USP30: variants seen among roughly 807,000 people sequenced by gnomAD.
The protein encoded by USP30 is ubiquitin carboxyl-terminal hydrolase 30.
A neutral mutation model predicts 68.2 loss-of-function variants in USP30; 41 were observed. The ratio of observed to expected loss-of-function variants is 0.60; its 90% CI spans 0.47 to 0.78. The LOEUF is 0.78. Among genes scored for constraint, USP30 ranks in the 30% least tolerant of loss-of-function variants. The probability of loss-of-function intolerance (pLI) is 0.00; values close to 1 mark genes in which losing one functional copy is unlikely to be tolerated. For synonymous variants in USP30, 229 were observed against 253.7 expected, an observed-to-expected ratio of 0.90 and a Z score of 0.93; for missense variants, 522 against 649.4, an observed-to-expected ratio of 0.80 and a Z score of 2.13.
chr12:109,050,546 A>G (rs990123579), upstream of USP30, among the ~76,000 whole-genome samples: 3 of 152,180 alleles, frequency 2.0e-5, no homozygotes, highest in African/African-American at 7.2e-5. Flanking sequence ...CATGAATGCA[A>G]TTACTCAGTC....
intron 3 of USP30, among the ~76,000 whole-genome samples, chr12:109,040,077 T>C (rs1413848309): frequency 6.6e-6 from 1 of 152,196 alleles, no homozygotes; most frequent in Non-Finnish European, 1.5e-5. Context: ...TTGTTTTTTT[T>C]CTACATGTGA....
chr12:109,028,459 T>C (rs2135652277), intron 3 of USP30, among the ~76,000 whole-genome samples: 2 of 151,768 alleles, frequency 1.3e-5, no homozygotes, highest in Middle Eastern at 6.8e-3. Context: ...CCCTTTTTTT[T>C]TTCTGTTTTT....
chr12:109,084,308 G>A (rs1391662964), intron 11 of USP30, among the ~76,000 whole-genome samples: 3 of 152,194 alleles, frequency 2.0e-5, no homozygotes, highest in African/African-American at 7.2e-5. Flanking sequence ...GAAAAGACAT[G>A]TAAATATGGC....
At chr12:109,065,091 C>T in intron 3 of USP30, among the ~76,000 whole-genome samples, 1 of 152,162 alleles carries the variant, frequency 6.6e-6, no homozygotes, top group East Asian at 1.9e-4. Context: ...GGCAGAGCAG[C>T]CCAGAAGTCT....
intron 7 of USP30, among the ~76,000 whole-genome samples, chr12:109,079,339 C>CTTTTTTTTTTTTTTTTTTTTTTTTT (rs750712233): frequency 8.0e-5 from 5 of 62,248 alleles, no homozygotes; most frequent in African/African-American, 2.8e-4. Context: ...TTTTCTTTTT[C>CTTTTTTTTTTTTTTTTTTTTTTTTT]TTTTTTTTTT....
In USP30 at chr12:109,067,547, G is replaced by C; in HGVS notation, c.400G>C (p.Asp134His). ...LKALSCQEVT[D>H]DEVLDASCLL... ...AGCCTTGTCCTGCCAAGAAGTTACT[G>C]ATGATGAGGTCTTAGATGCAAGCTG... Residue 134 changes from aspartate to histidine, a missense_variant, in exon 4 of 13, where the codon GAT becomes CAT. Physicochemically the swap from Asp to His is moderately conservative, Grantham distance 81. Transcript: ENST00000257548. The C allele has an allele frequency of 6.2e-7, 1 of 1,614,112 alleles. No homozygotes were observed. The highest frequency in any genetic ancestry group is 1.3e-5 in the African/African-American group (1 of 75,034).
chr12:109,049,240 C>G (rs1411519552), upstream of USP30, among the ~76,000 whole-genome samples: 1 of 152,200 alleles, frequency 6.6e-6, no homozygotes, highest in Non-Finnish European at 1.5e-5. Context: ...TTAATCATTT[C>G]TAGCTTTTGA....
In USP30 at chr12:109,055,400, A is replaced by ATTTTTTTTTT. The variant is rs869090869; in HGVS notation, c.84-1271_84-1262dup. On this transcript the variant is annotated intron_variant, in intron 1 of 12. Coordinates refer to ENST00000257548, the MANE Select transcript of USP30 (RefSeq NM_032663.5). ...TATACATATATATATATATATATAT[A>ATTTTTTTTTT]TTTTTTTTTTTTTTTTTTTTGAGGC... 3.6e-3 allele frequency among the ~76,000 whole-genome samples: 87 copies of ATTTTTTTTTT among 24,408 alleles called. 2 individuals carry two copies. Among genetic ancestry groups the ATTTTTTTTTT allele is most frequent in the East Asian group, 6.3e-3 (1 of 160 alleles). 16.0% of individuals were successfully genotyped at this position (24,408 alleles called of 152,430 possible).
chr12:109,077,295 A>G (rs1377285297), intron 7 of USP30, among the ~76,000 whole-genome samples: 1 of 152,122 alleles, frequency 6.6e-6, no homozygotes, highest in Non-Finnish European at 1.5e-5. Context: ...ATTTTGTTTA[A>G]TATTGGTATT....
intron 3 of USP30, among the ~76,000 whole-genome samples, chr12:109,060,515 T>A (rs1441195704): frequency 6.6e-6 from 1 of 152,202 alleles, no homozygotes; most frequent in African/African-American, 2.4e-5. Context: ...ACTATCCTGT[T>A]TTTTTAGCCC....
intron 7 of USP30, among the ~76,000 whole-genome samples, chr12:109,078,423 C>CAA (rs35164265): frequency 2.5e-5 from 3 of 121,952 alleles, no homozygotes; most frequent in Non-Finnish European, 1.7e-5. Context: ...GACTGAGTCT[C>CAA]AAAAAAAAAA....
At chr12:109,076,521 G>A (rs2041612977) in intron 7 of USP30, among the ~76,000 whole-genome samples, 1 of 151,626 alleles carries the variant, frequency 6.6e-6, no homozygotes, top group African/African-American at 2.4e-5. Flanking sequence ...TCTGAAGCAA[G>A]TATTTGGTGT....
chr12:109,067,419 C>T (rs977529421), intron 3 of USP30, 105 bp from the exon 4 acceptor site: 102 of 1,006,658 alleles, frequency 1.0e-4, no homozygotes, highest in Non-Finnish European at 1.4e-4. Flanking sequence ...ACCCAGCCTG[C>T]GGTCTTTAAT....
intron 11 of USP30, among the ~76,000 whole-genome samples, chr12:109,083,340 C>A (rs918126509): frequency 6.6e-6 from 1 of 152,118 alleles, no homozygotes; most frequent in Admixed American, 6.5e-5. Context: ...CTAATTTTTC[C>A]GCTAAATGAT....
At chr12:109,060,423 T>C (rs566506416) in intron 3 of USP30, among the ~76,000 whole-genome samples, 2 of 152,336 alleles carry the variant, frequency 1.3e-5, no homozygotes, top group South Asian at 2.1e-4. Flanking sequence ...TATTTTCCCA[T>C]GTGAGCTCTG....
In USP30 at chr12:109,058,118, T is replaced by C. The variant is rs906434901; in HGVS notation, c.376+10T>C. 1 of 1,589,670 alleles carries C rather than the reference T, an allele frequency of 6.3e-7. No individual in the cohort carries two copies. The highest frequency in any genetic ancestry group is 1.4e-5 in the African/African-American group (1 of 73,656). ...TTGCACCTTCTGAAAGGTATCTAGA[T>C]GGGAATTTCAAGGGAATTATGTACC... On this transcript the variant is annotated intron_variant, in intron 3 of 12. Transcript: ENST00000257548.
At chr12:109,031,941 AT>A (rs201680743) in intron 3 of USP30, among the ~76,000 whole-genome samples, 6 of 150,858 alleles carry the variant, frequency 4.0e-5, no homozygotes, top group African/African-American at 9.8e-5. Context: ...TCATCGCTAC[AT>A]TTTTTTTTAA....
chr12:109,052,466 G>A (rs575596682), upstream of USP30: 202 of 430,308 alleles, frequency 4.7e-4, 4 homozygotes, highest in South Asian at 0.012. Flanking sequence ...TGTTGCTAAG[G>A]GAAAAGAAAG....
At chr12:109,083,083 G>T in intron 11 of USP30, 21 bp downstream of exon 11, 5 of 1,563,556 alleles carry the variant, frequency 3.2e-6, no homozygotes, top group Non-Finnish European at 4.3e-6. Context: ...GCGAGGAGCC[G>T]ATGCAGCAGG....
Sources: gnomAD v4.1 joint callset for allele counts (sites outside exome capture counted in the v4.1 genomes callset) on GRCh38, gnomAD v4.1.1 for gene constraint, MANE v1.5 for transcripts, NCBI Gene and HGNC (gene_info 2026-07-23, HGNC 2026-07-21) for gene names.